The following EGFLAM variants were observed in gnomAD, a reference collection of about 807,000 sequenced individuals.
The protein encoded by EGFLAM is pikachurin.
In EGFLAM, 79 loss-of-function variants were observed where a neutral mutation model predicts 113.1. The ratio of observed to expected loss-of-function variants is 0.70; its 90% CI spans 0.58 to 0.84. The LOEUF (loss-of-function observed/expected upper bound fraction) is 0.84, where lower values mean the gene tolerates loss of function less well. Among genes scored for constraint, EGFLAM ranks in the 40% least tolerant of loss-of-function variants. The pLI is 0.00. For synonymous variants in EGFLAM, 504 were observed against 487.6 expected, an observed-to-expected ratio of 1.03 and a Z score of -0.44; for missense variants, 1,265 against 1,291.6, an observed-to-expected ratio of 0.98 and a Z score of 0.32.
chr5:38,376,780 C>T (rs1740375655), intron 6 of EGFLAM, among the ~76,000 whole-genome samples: 1 of 152,122 alleles, frequency 6.6e-6, no homozygotes. Context: ...AAGTGATCCT[C>T]CCACCTCAGC....
chr5:38,340,439 T>C (rs1739305617), intron 3 of EGFLAM, among the ~76,000 whole-genome samples: 1 of 152,226 alleles, frequency 6.6e-6, no homozygotes. Flanking sequence ...TATCAAATTC[T>C]GCATTTGATC....
rs1741343500 is a variant in EGFLAM, at chr5:38,407,880, C to A, written c.1223C>A (p.Ala408Glu). Residue 408 changes from alanine to glutamate, a missense_variant, in exon 9 of 22, where the codon GCA becomes GAA. Ala to Glu is a moderately radical substitution (Grantham distance 107). Coordinates refer to ENST00000322350, the MANE Select transcript of EGFLAM (RefSeq NM_152403.4). ...GAACCTCTGAAGAATTCTTATCAGG[C>A]ATTTCAAATTACTCTTGAATTTAGG... ...TFEPLKNSYQ[A>E]FQITLEFRAE... 1 of 1,613,150 alleles carries A rather than the reference C, an allele frequency of 6.2e-7. No homozygotes were observed. Among genetic ancestry groups the A allele is most frequent in the Non-Finnish European group, 8.5e-7 (1 of 1,179,182 alleles).
chr5:38,400,035 A>G (rs1355317175), intron 6 of EGFLAM: 1 of 152,176 alleles, frequency 6.6e-6, no homozygotes, highest in African/African-American at 2.4e-5. Context: ...TTTTAGGATC[A>G]CAGAATGTTA....
At chr5:38,301,156 G>T (rs1758567655) in intron 1 of EGFLAM, among the ~76,000 whole-genome samples, 1 of 152,164 alleles carries the variant, frequency 6.6e-6, no homozygotes, top group Non-Finnish European at 1.5e-5. Context: ...AGCCAAGTGT[G>T]TTGAGGTCAC....
intron 5 of EGFLAM, among the ~76,000 whole-genome samples, chr5:38,362,549 G>A (rs1320840480): frequency 1.3e-5 from 2 of 152,296 alleles, no homozygotes; most frequent in Non-Finnish European, 1.5e-5. Context: ...AGTGTTAGAA[G>A]TTTTGCTATT....
intron 6 of EGFLAM, among the ~76,000 whole-genome samples, chr5:38,387,367 G>A (rs1382943394): frequency 6.6e-6 from 1 of 152,154 alleles, no homozygotes; most frequent in Non-Finnish European, 1.5e-5. Context: ...TGGCTTCATA[G>A]CATGAGCCCT....
At chr5:38,461,614 G>A (rs1743276134) in intron 20 of EGFLAM, among the ~76,000 whole-genome samples, 1 of 152,250 alleles carries the variant, frequency 6.6e-6, no homozygotes, top group Middle Eastern at 3.4e-3. Flanking sequence ...TCCCAAATGG[G>A]AAGTTTGTGG....
Position 38,410,690 on chromosome 5 carries a change from G to T in EGFLAM, c.1349+1586G>T, listed in dbSNP as rs552499005. Among the ~76,000 whole-genome samples the T allele has an allele frequency of 9.6e-4, 146 of 152,282 alleles. 1 individual carries two copies. The highest frequency in any genetic ancestry group is 3.4e-3 in the African/African-American group (142 of 41,564). On this transcript the variant is annotated intron_variant, in intron 10 of 21. Coordinates refer to ENST00000322350, the MANE Select transcript of EGFLAM (RefSeq NM_152403.4). ...ATGGGCACTCCTGGGCCATAGGGAG[G>T]TTGGGATAAAAACAAGAATAATGCA...
At chr5:38,305,343 C>A in intron 1 of EGFLAM, 1 of 311,280 alleles carries the variant, frequency 3.2e-6, no homozygotes, top group Non-Finnish European at 6.5e-6. Context: ...AAAATTATTT[C>A]TAACCTAGAA....
chr5:38,358,867 A>C (rs1739838859), intron 5 of EGFLAM, among the ~76,000 whole-genome samples: 1 of 152,220 alleles, frequency 6.6e-6, no homozygotes, highest in Non-Finnish European at 1.5e-5. Context: ...TTCAGGCTGT[A>C]ACATATTTTG....
At chr5:38,358,987 G>T (rs1385993378) in intron 5 of EGFLAM, among the ~76,000 whole-genome samples, 1 of 152,178 alleles carries the variant, frequency 6.6e-6, no homozygotes, top group Non-Finnish European at 1.5e-5. Flanking sequence ...TTTGGGGGCA[G>T]CAATTCTTAG....
intron 1 of EGFLAM, among the ~76,000 whole-genome samples, chr5:38,335,119 TTACCCAAATAAA>T (rs1211361636): frequency 6.6e-6 from 1 of 152,158 alleles, no homozygotes; most frequent in African/African-American, 2.4e-5. Context: ...TTTTAAGAAT[TTACCCAAATAAA>T]TAATTGAATG....
At chr5:38,280,150 T>C (rs919192972) in intron 1 of EGFLAM, among the ~76,000 whole-genome samples, 1 of 152,260 alleles carries the variant, frequency 6.6e-6, no homozygotes, top group Non-Finnish European at 1.5e-5. Flanking sequence ...TTTACTTTTC[T>C]GTATGCTTGA....
At chr5:38,345,946 CA>C (rs1739462619) in intron 3 of EGFLAM, 1 of 152,128 alleles carries the variant, frequency 6.6e-6, no homozygotes, top group Non-Finnish European at 1.5e-5. Flanking sequence ...GGAGAGATGT[CA>C]GGGGAGGAAG....
intron 1 of EGFLAM, chr5:38,305,399 T>A (rs1393536298): frequency 2.2e-6 from 1 of 450,438 alleles, no homozygotes; most frequent in East Asian, 7.0e-5. Context: ...AGAAGACTCT[T>A]ACTACATTTA....
rs182555454 is a variant in EGFLAM, at chr5:38,442,848, G to C, written c.2464+4393G>C. Among the ~76,000 whole-genome samples, 3 of 152,314 alleles carry C rather than the reference G, an allele frequency of 2.0e-5. No individual in the cohort carries two copies. In the East Asian group the frequency reaches 5.8e-4, roughly 29 times the overall value. On this transcript the variant is annotated intron_variant, in intron 17 of 21. Coordinates refer to ENST00000322350, the MANE Select transcript of EGFLAM (RefSeq NM_152403.4). ...AACTAGCAAGGTACATTCCTTGTCA[G>C]TCACATGGTCATATAAGATGTCTAT...
At chr5:38,327,150 A>T (rs1738912409) in intron 1 of EGFLAM, among the ~76,000 whole-genome samples, 1 of 152,196 alleles carries the variant, frequency 6.6e-6, no homozygotes, top group Non-Finnish European at 1.5e-5. Context: ...CAGCTAAAAG[A>T]TCTGCATCAT....
intron 17 of EGFLAM, among the ~76,000 whole-genome samples, chr5:38,438,666 C>T (rs763087613): frequency 4.6e-5 from 7 of 152,198 alleles, no homozygotes; most frequent in Non-Finnish European, 8.8e-5. Flanking sequence ...CTTCTGCTAA[C>T]AGTGAGTAAA....
chr5:38,423,766 G>C (rs1247765716), intron 12 of EGFLAM, among the ~76,000 whole-genome samples: 1 of 152,190 alleles, frequency 6.6e-6, no homozygotes, highest in African/African-American at 2.4e-5. Flanking sequence ...CCCCCAGCTG[G>C]GGAGGCAAGC....
Sources: allele counts gnomAD v4.1 joint callset (sites outside exome capture counted in the v4.1 genomes callset), GRCh38; gene constraint gnomAD v4.1.1; transcripts MANE v1.5; gene names NCBI Gene and HGNC (gene_info 2026-07-23, HGNC 2026-07-21).